The following RNF152 variants were observed in gnomAD, a reference collection of about 807,000 sequenced individuals.
RNF152 encodes the protein E3 ubiquitin-protein ligase RNF152.
In RNF152, 11 loss-of-function variants were observed where a neutral mutation model predicts 12.7. That is an observed-to-expected ratio of 0.86 (90% confidence interval 0.54 to 1.43). RNF152 has a LOEUF of 1.43. Ranked by LOEUF, RNF152 falls within the 40% of genes most tolerant of loss-of-function variation. The pLI, the probability that RNF152 is intolerant of heterozygous loss-of-function variation, is 0.00. For missense variants in RNF152, 255 were observed against 274.8 expected (o/e 0.93, Z 0.51); for synonymous variants, 113 against 120.3 (o/e 0.94, Z 0.40).
upstream of RNF152, chr18:61,893,799 C>G (rs946237648): frequency 9.9e-5 from 15 of 152,174 alleles, no homozygotes; most frequent in African/African-American, 3.6e-4. Flanking sequence ...GGAAAGCTCC[C>G]TCGGACCGGA....
At position 61,813,648 on chromosome 18, in the gene RNF152, A is replaced by C. The variant is rs944601482; in HGVS notation, c.*2204T>G. 1 of 152,240 alleles carries C rather than the reference A, an allele frequency of 6.6e-6. No homozygotes were observed. Among genetic ancestry groups the C allele is most frequent in the African/African-American group, 2.4e-5 (1 of 41,458 alleles). 9.4% of individuals were successfully genotyped at this position (152,240 alleles called of 1,614,324 possible). Reference sequence around the variant, plus strand: ...AACAAGTAGAACTCTATCACGTACTATACTACAGGGTCAGTCATTTCACAC... The same window carrying C: ...AACAAGTAGAACTCTATCACGTACTCTACTACAGGGTCAGTCATTTCACAC... On this transcript the variant is annotated 3_prime_UTR_variant, in exon 2 of 2. Coordinates refer to ENST00000312828, the MANE Select transcript of RNF152 (RefSeq NM_173557.3).
chr18:61,877,262 A>T (rs924012702), intron 1 of RNF152, among the ~76,000 whole-genome samples: 3 of 152,206 alleles, frequency 2.0e-5, no homozygotes, highest in Non-Finnish European at 4.4e-5. Context: ...CAGCAGAATA[A>T]ATTTAGAATG....
At chr18:61,844,108 AAGAAAG>A (rs1424899532) in intron 1 of RNF152, among the ~76,000 whole-genome samples, 2 of 145,778 alleles carry the variant, frequency 1.4e-5, no homozygotes, top group Non-Finnish European at 3.0e-5. Context: ...GAAAGAAAGA[AAGAAAG>A]AAAGAAAGAA....
intron 1 of RNF152, among the ~76,000 whole-genome samples, chr18:61,827,472 T>TA (rs1909721426): frequency 6.6e-6 from 1 of 152,214 alleles, no homozygotes; most frequent in South Asian, 2.1e-4. Flanking sequence ...ACCTAACTGT[T>TA]AAGACTCATT....
In RNF152 at chr18:61,810,283, G is replaced by GTGTGTGTGTGTGTGTC. The variant is rs1912908033; in HGVS notation, c.*5568_*5569insGACACACACACACACA. On this transcript the variant is annotated 3_prime_UTR_variant, in exon 2 of 2. Transcript: ENST00000312828. ...TACAGCTAAATCGTGGTGTGTGTGT[G>GTGTGTGTGTGTGTGTC]TGTGTGTGTGTAGTAAGTCAGTTGT... 6.6e-6 allele frequency: 1 copy of GTGTGTGTGTGTGTGTC among 152,126 alleles called. No homozygotes were observed. Among genetic ancestry groups the GTGTGTGTGTGTGTGTC allele is most frequent in the Non-Finnish European group, 1.5e-5 (1 of 68,026 alleles). 9.4% of individuals were successfully genotyped at this position (152,126 alleles called of 1,614,324 possible). A position where few individuals can be genotyped will look rare whatever the true frequency, so the allele number is the denominator to read the frequency against.
intron 1 of RNF152, among the ~76,000 whole-genome samples, chr18:61,854,804 C>T (rs1268811381): frequency 3.3e-5 from 5 of 152,174 alleles, no homozygotes; most frequent in Non-Finnish European, 7.4e-5. Context: ...AAGCAAAGCT[C>T]GCTGCCAAGC....
chr18:61,852,792 C>T (rs1271395125), intron 1 of RNF152, among the ~76,000 whole-genome samples: 1 of 152,170 alleles, frequency 6.6e-6, no homozygotes, highest in African/African-American at 2.4e-5. Context: ...CTCACAGCTA[C>T]AGAACATAAG....
intron 1 of RNF152, among the ~76,000 whole-genome samples, chr18:61,839,011 C>T (rs1053377376): frequency 6.8e-6 from 1 of 148,070 alleles, no homozygotes; most frequent in African/African-American, 2.5e-5. Context: ...TCATCTTCTA[C>T]AACTTCAGTA....
At chr18:61,863,330 G>A (rs980722527) in intron 1 of RNF152, among the ~76,000 whole-genome samples, 1 of 151,690 alleles carries the variant, frequency 6.6e-6, no homozygotes, top group Non-Finnish European at 1.5e-5. Context: ...AGCTACTCGG[G>A]AGGCTGACGC....
At chr18:61,859,231 G>C (rs1299087848) in intron 1 of RNF152, among the ~76,000 whole-genome samples, 1 of 152,204 alleles carries the variant, frequency 6.6e-6, no homozygotes, top group Non-Finnish European at 1.5e-5. Context: ...AAAACTGGAA[G>C]GACTTTTGTC....
At chr18:61,855,489 T>C (rs190470838) in intron 1 of RNF152, among the ~76,000 whole-genome samples, 11 of 152,342 alleles carry the variant, frequency 7.2e-5, no homozygotes, top group African/African-American at 2.6e-4. Flanking sequence ...GCTCTGCAAT[T>C]CCTCGCATCT....
intron 1 of RNF152, among the ~76,000 whole-genome samples, chr18:61,848,719 T>C (rs1910842449): frequency 6.6e-6 from 1 of 152,042 alleles, no homozygotes; most frequent in African/African-American, 2.4e-5. Flanking sequence ...CCAGAAGCAG[T>C]GAAAGTTTGG....
At chr18:61,877,020 G>A (rs772471803) in intron 1 of RNF152, among the ~76,000 whole-genome samples, 7 of 152,204 alleles carry the variant, frequency 4.6e-5, no homozygotes, top group East Asian at 1.9e-4. Flanking sequence ...GTGAAACTCA[G>A]TTGGGGTGGC....
chr18:61,891,154 A>G (rs1426164156), intron 1 of RNF152, among the ~76,000 whole-genome samples: 1 of 152,234 alleles, frequency 6.6e-6, no homozygotes. Flanking sequence ...TGAGCATTGT[A>G]GAAAGGAAGC....
intron 1 of RNF152, among the ~76,000 whole-genome samples, chr18:61,867,170 T>C (rs1230730091): frequency 6.6e-6 from 1 of 152,000 alleles, no homozygotes; most frequent in East Asian, 1.9e-4. Flanking sequence ...TACAAAGAGA[T>C]TGGGGACCGG....
chr18:61,893,743 CGCGCGCGCACGTGCACACCCAGGG>C (rs1323685616), upstream of RNF152: 3 of 151,900 alleles, frequency 2.0e-5, no homozygotes, highest in African/African-American at 7.3e-5. Context: ...CTGGGGCGGG[CGCGCGCGCACGTGCACACCCAGGG>C]GCGCGCGCGG....
chr18:61,846,205 A>G (rs566583670), intron 1 of RNF152, among the ~76,000 whole-genome samples: 2 of 152,142 alleles, frequency 1.3e-5, no homozygotes, highest in South Asian at 4.2e-4. Context: ...ATAATTCTCA[A>G]CCCAAACACT....
chr18:61,833,790 T>C lies in RNF152; in HGVS notation c.-135-17192A>G, dbSNP rs573882674. ...TGACAACAATTTGAAGAGATTTTTC[T>C]TTCTGTCCATAGATCTAGAATGGGG... is the stretch of plus-strand genomic sequence containing the variant. On this transcript the variant is annotated intron_variant, in intron 1 of 1. Coordinates refer to ENST00000312828, the MANE Select transcript of RNF152 (RefSeq NM_173557.3). Among the ~76,000 whole-genome samples the C allele has an allele frequency of 2.6e-5, 4 of 152,340 alleles. No homozygotes were observed. In the South Asian group the frequency reaches 6.2e-4, roughly 24 times the overall value.
intron 1 of RNF152, among the ~76,000 whole-genome samples, chr18:61,869,492 G>A (rs1911888401): frequency 6.6e-6 from 1 of 152,158 alleles, no homozygotes; most frequent in African/African-American, 2.4e-5. Context: ...CGGCACTAAA[G>A]GTGAACACCC....
Sources: gnomAD v4.1 joint callset for allele counts (sites outside exome capture counted in the v4.1 genomes callset) on GRCh38, gnomAD v4.1.1 for gene constraint, MANE v1.5 for transcripts, NCBI Gene and HGNC (gene_info 2026-07-23, HGNC 2026-07-21) for gene names.